RALYL: variants seen among roughly 807,000 people sequenced by gnomAD.
RALYL encodes RALY RNA binding protein like.
RALYL carries 29 observed loss-of-function variants against 35.1 expected under a neutral mutation model. The observed-to-expected ratio is 0.83, with a 90% CI of 0.61 to 1.13. The LOEUF is 1.13. Among genes scored for constraint, RALYL ranks in the 50% most tolerant of loss-of-function variants. RALYL has a pLI of 0.00. For missense variants in RALYL, 359 were observed against 360.4 expected (o/e 1.00, Z 0.03); for synonymous variants, 120 against 127.6 (o/e 0.94, Z 0.40).
chr8:84,737,495 G>A (rs1847528235), intron 2 of RALYL, among the ~76,000 whole-genome samples: 1 of 151,858 alleles, frequency 6.6e-6, no homozygotes, highest in Non-Finnish European at 1.5e-5. Context: ...ACAGACTAGT[G>A]CTATTGGGGG....
At chr8:84,779,571 A>T (rs77387530) in intron 3 of RALYL, among the ~76,000 whole-genome samples, 1,608 of 152,332 alleles carry the variant, frequency 0.011, 26 homozygotes, top group African/African-American at 0.036. Context: ...CATCCCACCC[A>T]GATGACCATG....
At chr8:84,667,436 T>G (rs563146047) in intron 2 of RALYL, among the ~76,000 whole-genome samples, 7 of 152,244 alleles carry the variant, frequency 4.6e-5, no homozygotes, top group Middle Eastern at 3.4e-3. Flanking sequence ...TTGCCATAAT[T>G]TTCTATGAAG....
intron 2 of RALYL, among the ~76,000 whole-genome samples, chr8:84,625,180 T>C (rs950676237): frequency 5.9e-5 from 9 of 152,210 alleles, no homozygotes; most frequent in Non-Finnish European, 1.3e-4. Flanking sequence ...CAGTCCTTAA[T>C]TGAACATTAC....
rs539662815 is a variant in RALYL, at chr8:84,275,730, C to A, written c.-24+91306C>A. Among the ~76,000 whole-genome samples, 22 of 152,132 alleles carry A rather than the reference C, an allele frequency of 1.4e-4. No individual in the cohort carries two copies. The South Asian group carries it at 1.5e-3, about 10-fold the overall frequency. On this transcript the variant is annotated intron_variant, in intron 1 of 8. Transcript: ENST00000521268. Reference sequence around the variant, plus strand: ...GGTAACCAACATGCTACTTTCTACTCGGTGAGATCAACTCTATTAGACTCA... The same window carrying A: ...GGTAACCAACATGCTACTTTCTACTAGGTGAGATCAACTCTATTAGACTCA...
chr8:84,407,788 T>G (rs2043691267), intron 1 of RALYL, among the ~76,000 whole-genome samples: 1 of 152,088 alleles, frequency 6.6e-6, no homozygotes, highest in Non-Finnish European at 1.5e-5. Context: ...ATCAGAATAA[T>G]AATATTAGCT....
intron 8 of RALYL, among the ~76,000 whole-genome samples, chr8:84,911,211 A>G (rs1847455986): frequency 6.6e-6 from 1 of 152,072 alleles, no homozygotes; most frequent in African/African-American, 2.4e-5. Flanking sequence ...TTCTCTCCCC[A>G]CAAGAAAGTT....
intron 4 of RALYL, among the ~76,000 whole-genome samples, chr8:84,846,638 G>C (rs1398469408): frequency 1.3e-5 from 2 of 152,170 alleles, no homozygotes; most frequent in African/African-American, 4.8e-5. Flanking sequence ...GAATACATCT[G>C]ATCATGAGCT....
intron 5 of RALYL, among the ~76,000 whole-genome samples, chr8:84,854,768 G>C (rs1836628993): frequency 6.6e-6 from 1 of 152,174 alleles, no homozygotes; most frequent in Admixed American, 6.5e-5. Flanking sequence ...CCACTTCTAG[G>C]GCTGGAGAAA....
intron 1 of RALYL, among the ~76,000 whole-genome samples, chr8:84,519,943 C>T (rs2058339023): frequency 6.6e-6 from 1 of 152,142 alleles, no homozygotes; most frequent in South Asian, 2.1e-4. Flanking sequence ...ATTCAAATAG[C>T]AATCAGTGAC....
chr8:84,386,520 T>C (rs1859233961), intron 1 of RALYL, among the ~76,000 whole-genome samples: 1 of 151,870 alleles, frequency 6.6e-6, no homozygotes, highest in African/African-American at 2.4e-5. Flanking sequence ...ATCATTTCAA[T>C]ATAGTTCCAT....
intron 1 of RALYL, among the ~76,000 whole-genome samples, chr8:84,427,305 C>T (rs566172932): frequency 6.6e-6 from 1 of 152,312 alleles, no homozygotes; most frequent in East Asian, 1.9e-4. Flanking sequence ...CTCCACACTG[C>T]TTCCATATCC....
intron 1 of RALYL, among the ~76,000 whole-genome samples, chr8:84,273,169 T>C (rs538947864): frequency 3.3e-5 from 5 of 152,356 alleles, no homozygotes; most frequent in African/African-American, 9.6e-5. Context: ...CTTATTGTCT[T>C]ACAGTTTCTA....
chr8:84,299,116 A>G (rs948676560), intron 1 of RALYL, among the ~76,000 whole-genome samples: 2 of 151,982 alleles, frequency 1.3e-5, no homozygotes, highest in East Asian at 3.9e-4. Flanking sequence ...GAGAGTGAGC[A>G]TTCCTGTATT....
intron 6 of RALYL, among the ~76,000 whole-genome samples, chr8:84,871,645 T>G (rs1451106633): frequency 6.6e-6 from 1 of 152,190 alleles, no homozygotes; most frequent in African/African-American, 2.4e-5. Flanking sequence ...GAGGAGTGAT[T>G]CTCTATTTTA....
intron 2 of RALYL, among the ~76,000 whole-genome samples, chr8:84,664,944 A>C (rs1831682035): frequency 6.6e-6 from 1 of 152,166 alleles, no homozygotes; most frequent in African/African-American, 2.4e-5. Context: ...CCTGTTGAGC[A>C]TGATATTGGT....
At chr8:84,823,411 A>G (rs1000562012) in intron 4 of RALYL, among the ~76,000 whole-genome samples, 3 of 152,186 alleles carry the variant, frequency 2.0e-5, no homozygotes, top group Non-Finnish European at 4.4e-5. Context: ...GACTCTTGAA[A>G]GAGAGGAAAT....
chr8:84,258,107 C>T (rs550935919), intron 1 of RALYL, among the ~76,000 whole-genome samples: 3 of 152,134 alleles, frequency 2.0e-5, no homozygotes, highest in Non-Finnish European at 4.4e-5. Context: ...GCCTGGGGGC[C>T]GAAGTAGCCA....
intron 1 of RALYL, among the ~76,000 whole-genome samples, chr8:84,271,685 C>T (rs1048825166): frequency 7.3e-5 from 11 of 151,704 alleles, no homozygotes; most frequent in African/African-American, 1.5e-4. Flanking sequence ...CTGACACATG[C>T]GACAACATGA....
At chr8:84,324,451 G>T (rs922021796) in intron 1 of RALYL, among the ~76,000 whole-genome samples, 1 of 151,834 alleles carries the variant, frequency 6.6e-6, no homozygotes, top group South Asian at 2.1e-4. Context: ...AACCAACCTC[G>T]TGGAGTTCTT....
Sources: allele counts gnomAD v4.1 joint callset (sites outside exome capture counted in the v4.1 genomes callset), GRCh38; gene constraint gnomAD v4.1.1; transcripts MANE v1.5; gene names NCBI Gene and HGNC (gene_info 2026-07-23, HGNC 2026-07-21).